The following SORCS2 variants were observed in gnomAD, a reference collection of about 807,000 sequenced individuals.
SORCS2 encodes the protein sortilin related VPS10 domain containing receptor 2, also known as VPS10 domain-containing receptor SorCS2.
A neutral mutation model predicts 141.6 loss-of-function variants in SORCS2; 100 were observed. The observed-to-expected ratio is 0.71, with a 90% CI of 0.60 to 0.83. The LOEUF is 0.83. SORCS2 is among the 40% of genes least tolerant of loss of function. The pLI, the probability that SORCS2 is intolerant of heterozygous loss-of-function variation, is 0.00. For missense variants in SORCS2, 1,646 were observed against 1,560.2 expected, an observed-to-expected ratio of 1.05 and a Z score of -0.93; for synonymous variants, 789 against 676.9, an observed-to-expected ratio of 1.17 and a Z score of -2.57.
chr4:7,299,027 G>A (rs1038675082), intron 1 of SORCS2, among the ~76,000 whole-genome samples: 6 of 152,290 alleles, frequency 3.9e-5, no homozygotes, highest in Admixed American at 1.3e-4. Context: ...CAAAAGGGCC[G>A]TTCTGGCCCC....
intron 2 of SORCS2, among the ~76,000 whole-genome samples, chr4:7,404,331 C>G (rs1452872696): frequency 6.6e-6 from 1 of 151,938 alleles, no homozygotes; most frequent in African/African-American, 2.4e-5. Flanking sequence ...TTTTTGATAT[C>G]CTAATTTCTT....
chr4:7,669,671 C>G (rs1409181979), intron 8 of SORCS2, among the ~76,000 whole-genome samples: 1 of 152,138 alleles, frequency 6.6e-6, no homozygotes, highest in South Asian at 2.1e-4. Context: ...TAATTAACAT[C>G]ATGAAAATCA....
intron 1 of SORCS2, among the ~76,000 whole-genome samples, chr4:7,306,101 C>T (rs1050926025): frequency 5.3e-5 from 8 of 152,198 alleles, no homozygotes; most frequent in Admixed American, 2.0e-4. Context: ...GGTCCCGGTG[C>T]TCTGTTCCAC....
intron 8 of SORCS2, among the ~76,000 whole-genome samples, chr4:7,671,954 T>TC (rs1269690220): frequency 6.6e-6 from 1 of 150,912 alleles, no homozygotes; most frequent in African/African-American, 2.4e-5. Flanking sequence ...TTTTTTTTTT[T>TC]TTTTTTTGAG....
intron 1 of SORCS2, among the ~76,000 whole-genome samples, chr4:7,372,945 G>A (rs1055781970): frequency 5.9e-4 from 89 of 151,466 alleles, no homozygotes; most frequent in African/African-American, 2.1e-3. Context: ...CTTCCATCGT[G>A]TGAATGAGGC....
chr4:7,636,192 A>G (rs1349861592), intron 3 of SORCS2, among the ~76,000 whole-genome samples: 1 of 151,788 alleles, frequency 6.6e-6, no homozygotes, highest in Non-Finnish European at 1.5e-5. Context: ...GGCTAAGAAC[A>G]GGGCTCTGGA....
chr4:7,642,810 C>A (rs775733772), intron 4 of SORCS2, among the ~76,000 whole-genome samples: 1 of 152,136 alleles, frequency 6.6e-6, no homozygotes, highest in Non-Finnish European at 1.5e-5. Flanking sequence ...CGTCCCCATA[C>A]GACTCTTATG....
At chr4:7,674,741 C>A (rs1723005440) in intron 8 of SORCS2, among the ~76,000 whole-genome samples, 1 of 151,824 alleles carries the variant, frequency 6.6e-6, no homozygotes, top group African/African-American at 2.4e-5. Context: ...GCAGCTTCTT[C>A]CTCATTCTCC....
intron 1 of SORCS2, among the ~76,000 whole-genome samples, chr4:7,328,018 CTTTTTTTTTTTTTTT>C (rs60976971): frequency 1.5e-4 from 13 of 88,744 alleles, no homozygotes; most frequent in African/African-American, 4.1e-4. Context: ...TCGTGCTAGG[CTTTTTTTTTTTTTTT>C]TTTTTTTTTT....
At chr4:7,241,240 C>T (rs1239732687) in intron 1 of SORCS2, among the ~76,000 whole-genome samples, 2 of 152,138 alleles carry the variant, frequency 1.3e-5, no homozygotes, top group Admixed American at 6.5e-5. Context: ...CACTAAAGGC[C>T]CCCATTTCCT....
At chr4:7,720,096 C>T (rs1434723264) in intron 18 of SORCS2, among the ~76,000 whole-genome samples, 1 of 151,758 alleles carries the variant, frequency 6.6e-6, no homozygotes, top group African/African-American at 2.4e-5. Flanking sequence ...TGTATTCACT[C>T]TCAAACTCGC....
intron 12 of SORCS2, 30 bp downstream of exon 12, chr4:7,697,304 C>A (rs747935908): frequency 1.9e-6 from 3 of 1,545,462 alleles, no homozygotes; most frequent in African/African-American, 1.4e-5. Flanking sequence ...CCTGGTACCC[C>A]CCACCCCATC....
chr4:7,419,802 A>G (rs1725921243), intron 2 of SORCS2, among the ~76,000 whole-genome samples: 1 of 152,208 alleles, frequency 6.6e-6, no homozygotes. Flanking sequence ...CTCTGGATCT[A>G]AGAGGCAGCA....
In SORCS2 at chr4:7,268,055, G is replaced by A. The variant is rs115706211; in HGVS notation, c.480+74929G>A. On this transcript the variant is annotated intron_variant, in intron 1 of 26. Coordinates refer to ENST00000507866, the MANE Select transcript of SORCS2 (RefSeq NM_020777.3). The stretch of plus-strand genomic sequence containing the variant: ...TTTGGGGTTTGTGGGTGGGGTTCTG[G>A]TTGTCTACACAGCCTGAGGTGTGAA... 7.3e-3 allele frequency among the ~76,000 whole-genome samples: 1,109 copies of A among 152,316 alleles called. 11 individuals are homozygous for A. Among genetic ancestry groups the A allele is most frequent in the African/African-American group, 0.025 (1,033 of 41,558 alleles).
At chr4:7,514,846 G>T (rs1159252047) in intron 2 of SORCS2, among the ~76,000 whole-genome samples, 1 of 152,114 alleles carries the variant, frequency 6.6e-6, no homozygotes, top group Non-Finnish European at 1.5e-5. Flanking sequence ...AGGCAGCTCA[G>T]GGCCCCCACC....
At chr4:7,220,359 T>C (rs4689087) in intron 1 of SORCS2, among the ~76,000 whole-genome samples, 39,240 of 151,986 alleles carry the variant, frequency 0.26, 5,430 homozygotes, top group East Asian at 0.45. Context: ...ACATGGGGTC[T>C]AGGGGCCTCG....
chr4:7,714,192 C>A, intron 15 of SORCS2, 48 bp from the exon 16 acceptor site: 1 of 1,581,764 alleles, frequency 6.3e-7, no homozygotes, highest in Non-Finnish European at 8.6e-7. Context: ...CCTTGTAGAG[C>A]AGTTGCCCTG....
At chr4:7,434,605 A>G (rs923122767) in intron 2 of SORCS2, 6 of 1,613,300 alleles carry the variant, frequency 3.7e-6, no homozygotes, top group Non-Finnish European at 4.2e-6. Flanking sequence ...ACAGGTCTTC[A>G]TCACCAAAGC....
chr4:7,458,404 G>A (rs1729061106), intron 2 of SORCS2, among the ~76,000 whole-genome samples: 1 of 152,022 alleles, frequency 6.6e-6, no homozygotes, highest in African/African-American at 2.4e-5. Context: ...TTTTCCAGCT[G>A]TGCTCCCCTG....
Sources: allele counts gnomAD v4.1 joint callset (sites outside exome capture counted in the v4.1 genomes callset), GRCh38; gene constraint gnomAD v4.1.1; transcripts MANE v1.5; gene names NCBI Gene and HGNC (gene_info 2026-07-23, HGNC 2026-07-21).